Variants in RAB37 observed in about 807,000 individuals in gnomAD.
The protein encoded by RAB37 is RAB37, member RAS oncogene family, also known as ras-related protein Rab-37.
RAB37 carries 29 observed loss-of-function variants against 33.1 expected under a neutral mutation model. The observed-to-expected ratio is 0.88, with a 90% CI of 0.65 to 1.20. The LOEUF (loss-of-function observed/expected upper bound fraction) is 1.20, where lower values mean the gene tolerates loss of function less well. Ranked by LOEUF, RAB37 falls within the 50% of genes most tolerant of loss-of-function variation. The pLI, the probability that RAB37 is intolerant of heterozygous loss-of-function variation, is 0.00. For missense variants in RAB37, 299 were observed against 301.1 expected (o/e 0.99, Z 0.05); for synonymous variants, 128 against 119.5 (o/e 1.07, Z -0.47).
Position 74,729,966 on chromosome 17 carries a change from A to G in RAB37, c.183+600A>G, listed in dbSNP as rs1230474599. ...AGGCCCAGGTTACAGTTCCGTGTTT[A>G]GTCCTCGGTAAAATGGTAAAAGGGC... On this transcript the variant is annotated intron_variant, in intron 2 of 7. Coordinates refer to the RAB37 transcript ENST00000340415. The surrounding 1 kb of genome is among the most constrained non-coding windows in gnomAD (Gnocchi z 4.2). 1.3e-5 allele frequency among the ~76,000 whole-genome samples: 2 copies of G among 152,188 alleles called. No homozygotes were observed. Among genetic ancestry groups the G allele is most frequent in the African/African-American group, 4.8e-5 (2 of 41,446 alleles).
At chr17:74,724,772 CA>C (rs2034285842) in intron 1 of RAB37, among the ~76,000 whole-genome samples, 1 of 152,118 alleles carries the variant, frequency 6.6e-6, no homozygotes, top group Admixed American at 6.5e-5. Flanking sequence ...GTACATTGAC[CA>C]GTTAGGGTGG....
chr17:74,731,344 G>T (rs909176630), intron 2 of RAB37, among the ~76,000 whole-genome samples: 1 of 152,158 alleles, frequency 6.6e-6, no homozygotes, highest in African/African-American at 2.4e-5. Flanking sequence ...GCTGAGTGCC[G>T]CCCAGGTGGC....
chr17:74,742,516 T>C lies in RAB37; in HGVS notation c.246+221T>C, dbSNP rs1326179191. On this transcript the variant is annotated intron_variant, in intron 3 of 8. Transcript: ENST00000392613. This position sits in a 1 kb window ranked among gnomAD's most constrained non-coding sequence, Gnocchi z 4.0. ...AGCTCCAAATGCCTTCAGACAAGCT[T>C]AGCCTCCATCCATCTCCTCCCCAGT... Among the ~76,000 whole-genome samples the C allele has an allele frequency of 6.6e-6, 1 of 152,204 alleles. No individual in the cohort carries two copies. Among genetic ancestry groups the C allele is most frequent in the African/African-American group, 2.4e-5 (1 of 41,454 alleles).
At chr17:74,726,233 TAAAA>T (rs11422240) in intron 1 of RAB37, among the ~76,000 whole-genome samples, 1 of 105,654 alleles carries the variant, frequency 9.5e-6, no homozygotes. Flanking sequence ...AGACTCTGCC[TAAAA>T]AAAAAAAAAA....
At chr17:74,685,123 G>C (rs2032029309) in intron 1 of RAB37, among the ~76,000 whole-genome samples, 1 of 151,286 alleles carries the variant, frequency 6.6e-6, no homozygotes, top group Non-Finnish European at 1.5e-5. Flanking sequence ...AAAAAAAGAA[G>C]GCTCCTATAG....
Position 74,729,472 on chromosome 17 carries a change from A to C in RAB37, c.183+106A>C. 1.3e-6 allele frequency: 1 copy of C among 796,940 alleles called. No homozygotes were observed. The highest frequency in any genetic ancestry group is 1.8e-5 in the Admixed American group (1 of 55,836). 49.4% of individuals were successfully genotyped at this position (796,940 alleles called of 1,614,324 possible). Reference sequence around the variant, plus strand: ...GGTGGACACTCGCATTGGATCATTCAAGGAGGATTAAGGAGAAGACTGTTC... The same window carrying C: ...GGTGGACACTCGCATTGGATCATTCCAGGAGGATTAAGGAGAAGACTGTTC... On this transcript the variant is annotated intron_variant, in intron 2 of 7. Transcript: ENST00000340415. This position sits in a 1 kb window ranked among gnomAD's most constrained non-coding sequence, Gnocchi z 4.2.
chr17:74,673,409 A>AG (rs1410109399), intron 1 of RAB37, among the ~76,000 whole-genome samples: 1 of 148,558 alleles, frequency 6.7e-6, no homozygotes, highest in Non-Finnish European at 1.5e-5. Flanking sequence ...CCTTGTCTCA[A>AG]AAAAAAAAAG....
chr17:74,697,826 T>C (rs2143607019), intron 1 of RAB37, among the ~76,000 whole-genome samples: 1 of 152,272 alleles, frequency 6.6e-6, no homozygotes, highest in Admixed American at 6.5e-5. Context: ...CCATTCCAAT[T>C]TCCTGATCAG....
rs1215930765 is a variant in RAB37 at position 74,742,109 on chromosome 17, GC to G, written c.205-142del. The G allele has an allele frequency of 3.2e-6, 3 of 934,510 alleles. No homozygotes were observed. The highest frequency in any genetic ancestry group is 4.9e-6 in the Non-Finnish European group (3 of 616,286). 57.9% of individuals were successfully genotyped at this position (934,510 alleles called of 1,614,324 possible). ...GGTGTCTGGGTATGGGGTTCCTGCTGCCCTGATGGTATGATCTGGCTGGAGA... is the reference window on the plus strand; with the variant it reads ...GGTGTCTGGGTATGGGGTTCCTGCTGCCTGATGGTATGATCTGGCTGGAGA... On this transcript the variant is annotated intron_variant, in intron 2 of 8. Coordinates refer to ENST00000392613, the MANE Select transcript of RAB37 (RefSeq NM_001006638.3). The surrounding 1 kb of genome is among the most constrained non-coding windows in gnomAD (Gnocchi z 4.0).
At chr17:74,722,207 C>T (rs531948246) in intron 1 of RAB37, among the ~76,000 whole-genome samples, 3 of 151,026 alleles carry the variant, frequency 2.0e-5, no homozygotes, top group African/African-American at 4.9e-5. Context: ...GGCGTGAACC[C>T]GGGAGGCAGA....
rs1016843967 is a variant in RAB37 at position 74,745,570 on chromosome 17, G to C, written c.*159G>C. 3 of 617,288 alleles carry C rather than the reference G, an allele frequency of 4.9e-6. No homozygotes were observed. The highest frequency in any genetic ancestry group is 1.8e-5 in the African/African-American group (1 of 54,164). 38.2% of individuals were successfully genotyped at this position (617,288 alleles called of 1,614,324 possible). ...GGGAGCTATACTCCAACTCCTACTTGAGTTCCTGCGGTCTCCCCGCATCCA... is the reference window on the plus strand; with the variant it reads ...GGGAGCTATACTCCAACTCCTACTTCAGTTCCTGCGGTCTCCCCGCATCCA... On this transcript the variant is annotated 3_prime_UTR_variant, in exon 9 of 9. Coordinates refer to ENST00000392613, the MANE Select transcript of RAB37 (RefSeq NM_001006638.3). The surrounding 1 kb of genome is among the most constrained non-coding windows in gnomAD (Gnocchi z 4.5).
intron 1 of RAB37, among the ~76,000 whole-genome samples, chr17:74,706,429 A>C (rs956469515): frequency 6.6e-6 from 1 of 151,352 alleles, no homozygotes; most frequent in African/African-American, 2.4e-5. Flanking sequence ...TAAAAAGAAC[A>C]TATATATATA....
chr17:74,737,575 T>C (rs1337363741), intron 1 of RAB37, among the ~76,000 whole-genome samples: 1 of 152,026 alleles, frequency 6.6e-6, no homozygotes. Context: ...TCGCAAAAAC[T>C]GAGTGATCCC....
At chr17:74,728,709 ATG>A (rs891103707) in intron 1 of RAB37, among the ~76,000 whole-genome samples, 3 of 150,810 alleles carry the variant, frequency 2.0e-5, no homozygotes, top group Admixed American at 2.0e-4. Flanking sequence ...ATGTGTGTGC[ATG>A]TGTGTTCTGT....
intron 1 of RAB37, among the ~76,000 whole-genome samples, chr17:74,677,989 T>C (rs1392592281): frequency 6.6e-6 from 1 of 152,084 alleles, no homozygotes; most frequent in African/African-American, 2.4e-5. Flanking sequence ...CGTCCTTCAG[T>C]TTCAGGGCAG....
chr17:74,725,781 G>A (rs966828545), intron 1 of RAB37, among the ~76,000 whole-genome samples: 16 of 151,948 alleles, frequency 1.1e-4, no homozygotes, highest in African/African-American at 3.6e-4. Context: ...CTGCCATCAC[G>A]CCTGGCTAAT....
At chr17:74,718,301 T>C (rs1408798408) in intron 1 of RAB37, among the ~76,000 whole-genome samples, 1 of 142,382 alleles carries the variant, frequency 7.0e-6, no homozygotes, top group Non-Finnish European at 1.5e-5. Flanking sequence ...CTCTAAAACA[T>C]CATATCATAT....
chr17:74,712,823 C>A, intron 1 of RAB37: 1 of 1,614,058 alleles, frequency 6.2e-7, no homozygotes, highest in Non-Finnish European at 8.5e-7. Flanking sequence ...GGCCCGCTCA[C>A]CTGAGAGCCA....
At chr17:74,678,116 T>C (rs2031879411) in intron 1 of RAB37, among the ~76,000 whole-genome samples, 1 of 152,188 alleles carries the variant, frequency 6.6e-6, no homozygotes, top group South Asian at 2.1e-4. Flanking sequence ...TCTTGCTTCC[T>C]TCCTCCTCTT....
Sources: allele counts gnomAD v4.1 joint callset (sites outside exome capture counted in the v4.1 genomes callset), GRCh38; gene constraint gnomAD v4.1.1; non-coding constraint Gnocchi (gnomAD v3.1); transcripts MANE v1.5; gene names NCBI Gene and HGNC (gene_info 2026-07-23, HGNC 2026-07-21).